Variants in WDR72 observed in about 807,000 individuals in gnomAD.
WDR72 encodes WD repeat domain 72, also known as WD repeat-containing protein 72.
A neutral mutation model predicts 124.2 loss-of-function variants in WDR72; 120 were observed. The observed-to-expected ratio is 0.97, with a 90% confidence interval of 0.83 to 1.12. The LOEUF is 1.12. Ranked by LOEUF, WDR72 falls within the 50% of genes most tolerant of loss-of-function variation. WDR72 has a pLI of 0.00. For missense variants in WDR72, 1,387 were observed against 1,278.8 expected, an observed-to-expected ratio of 1.08 and a Z score of -1.29; for synonymous variants, 452 against 441.7, an observed-to-expected ratio of 1.02 and a Z score of -0.29.
chr15:53,682,028 A>T (rs993340843), intron 13 of WDR72, among the ~76,000 whole-genome samples: 1 of 152,152 alleles, frequency 6.6e-6, no homozygotes, highest in Non-Finnish European at 1.5e-5. Flanking sequence ...ATTGACAAAA[A>T]CTCTAAATTT....
intron 14 of WDR72, among the ~76,000 whole-genome samples, chr15:53,636,921 G>A (rs954927454): frequency 2.0e-5 from 3 of 152,074 alleles, no homozygotes; most frequent in African/African-American, 7.2e-5. Context: ...TTAATTAAAT[G>A]ATTTTTAGTG....
At position 53,702,106 on chromosome 15, in the gene WDR72, A is replaced by G. The variant is rs1172896332; in HGVS notation, c.1569+28T>C. On this transcript the variant is annotated intron_variant, in intron 12 of 19. Transcript: ENST00000360509. Reference sequence around the variant, plus strand: ...TATAATTTATATAATTTTCAAATTTAGATGTTATATTTTACTCTTCGTCTT... The same window carrying G: ...TATAATTTATATAATTTTCAAATTTGGATGTTATATTTTACTCTTCGTCTT... The G allele has an allele frequency of 2.0e-6, 3 of 1,530,424 alleles. No homozygotes were observed. In the Admixed American group the frequency reaches 5.2e-5, roughly 26 times the overall value. 94.8% of individuals were successfully genotyped at this position (1,530,424 alleles called of 1,614,324 possible).
chr15:53,665,672 G>C lies in WDR72; in HGVS notation c.1862C>G (p.Ser621Ter), dbSNP rs748597704. Reference protein sequence around the residue: ...QLVKSVLPIASETLKHKSIEQ... With the variant: ...QLVKSVLPIA ...TATACTTTTGTGCTTAAGTGTCTCT[G>C]AGGCAATGGGAAGTACAGACTTCAC... The change falls in exon 14 of 20, where the codon TCA becomes TGA. Residue 621 changes from serine (S) to a stop codon, truncating the protein, a stop_gained. Coordinates refer to ENST00000360509, the MANE Select transcript of WDR72 (RefSeq NM_182758.4). LOFTEE classifies it high-confidence loss of function. The C allele has an allele frequency of 4.3e-6, 7 of 1,613,912 alleles. No individual in the cohort carries two copies. Among genetic ancestry groups the C allele is most frequent in the Non-Finnish European group, 5.9e-6 (7 of 1,179,888 alleles).
intron 13 of WDR72, among the ~76,000 whole-genome samples, chr15:53,689,960 G>A (rs868328286): frequency 1.4e-4 from 21 of 149,128 alleles, no homozygotes; most frequent in African/African-American, 3.0e-4. Flanking sequence ...GTAAACTATC[G>A]CAAGAACAAA....
At chr15:53,580,027 C>G (rs972660871) in intron 18 of WDR72, among the ~76,000 whole-genome samples, 1 of 151,988 alleles carries the variant, frequency 6.6e-6, no homozygotes, top group Non-Finnish European at 1.5e-5. Context: ...GCTGGTACTA[C>G]GGTAGGCTCT....
At chr15:53,613,566 G>T in intron 16 of WDR72, 100 bp downstream of exon 16, 1 of 796,570 alleles carries the variant, frequency 1.3e-6, no homozygotes, top group Non-Finnish European at 2.2e-6. Context: ...TTTTATATAT[G>T]TTATTTATTT....
intron 14 of WDR72, among the ~76,000 whole-genome samples, chr15:53,622,646 G>A (rs1339734836): frequency 6.6e-6 from 1 of 151,970 alleles, no homozygotes; most frequent in Non-Finnish European, 1.5e-5. Context: ...GGGGGAGGGA[G>A]AGCATCAGGA....
chr15:53,547,433 G>C (rs1595751780), intron 18 of WDR72, among the ~76,000 whole-genome samples: 3 of 152,266 alleles, frequency 2.0e-5, no homozygotes, highest in African/African-American at 7.2e-5. Context: ...TGCCTGGCCT[G>C]TTACTATTAT....
intron 13 of WDR72, among the ~76,000 whole-genome samples, chr15:53,693,509 G>A (rs1259020281): frequency 6.6e-6 from 1 of 152,130 alleles, no homozygotes; most frequent in South Asian, 2.1e-4. Context: ...GCTGTTGGTT[G>A]ACAAAACTCA....
chr15:53,655,043 C>A (rs2015368623), intron 14 of WDR72, among the ~76,000 whole-genome samples: 1 of 151,734 alleles, frequency 6.6e-6, no homozygotes, highest in Admixed American at 6.6e-5. Context: ...CAAGCTTGGC[C>A]AAAATGGTGA....
chr15:53,626,013 C>A (rs1005529121), intron 14 of WDR72, among the ~76,000 whole-genome samples: 2 of 152,134 alleles, frequency 1.3e-5, no homozygotes, highest in African/African-American at 4.8e-5. Flanking sequence ...GTTCTGATAA[C>A]TTCTTTCTCA....
chr15:53,753,762 C>G (rs1454685367), intron 1 of WDR72, among the ~76,000 whole-genome samples: 1 of 152,186 alleles, frequency 6.6e-6, no homozygotes, highest in Non-Finnish European at 1.5e-5. Flanking sequence ...GTTGTATACT[C>G]AATTCAGCAA....
At chr15:53,649,991 G>A (rs1183131338) in intron 14 of WDR72, among the ~76,000 whole-genome samples, 1 of 152,124 alleles carries the variant, frequency 6.6e-6, no homozygotes, top group Non-Finnish European at 1.5e-5. Context: ...GTATTAGCAT[G>A]TCTATGTTTA....
At chr15:53,536,546 G>A (rs1178479344) in intron 18 of WDR72, among the ~76,000 whole-genome samples, 1 of 152,108 alleles carries the variant, frequency 6.6e-6, no homozygotes, top group Admixed American at 6.5e-5. Context: ...CTATAAGAGA[G>A]CTTGGGGAAA....
intron 3 of WDR72, among the ~76,000 whole-genome samples, chr15:53,721,617 C>G (rs2017878581): frequency 6.6e-6 from 1 of 152,132 alleles, no homozygotes; most frequent in African/African-American, 2.4e-5. Context: ...CTCTTTGATA[C>G]CTGTTCAACT....
chr15:53,546,557 T>G (rs1328001752), intron 18 of WDR72, among the ~76,000 whole-genome samples: 2 of 152,000 alleles, frequency 1.3e-5, no homozygotes, highest in African/African-American at 2.4e-5. Context: ...GAGATATACC[T>G]AATGCTAGAT....
At chr15:53,689,037 T>G (rs1044662101) in intron 13 of WDR72, among the ~76,000 whole-genome samples, 12 of 152,322 alleles carry the variant, frequency 7.9e-5, no homozygotes, top group African/African-American at 2.9e-4. Flanking sequence ...ACTGGATCCC[T>G]TCCTTACACC....
intron 18 of WDR72, among the ~76,000 whole-genome samples, chr15:53,564,466 A>G (rs1213455659): frequency 6.6e-6 from 1 of 151,800 alleles, no homozygotes; most frequent in Non-Finnish European, 1.5e-5. Flanking sequence ...TATTATTATT[A>G]TTTTTATTTC....
chr15:53,622,442 A>G (rs1375793311), intron 14 of WDR72, among the ~76,000 whole-genome samples: 3 of 151,654 alleles, frequency 2.0e-5, no homozygotes, highest in Non-Finnish European at 3.0e-5. Context: ...AATACTACAC[A>G]GCCATAAAAA....
Sources: allele counts gnomAD v4.1 joint callset (sites outside exome capture counted in the v4.1 genomes callset), GRCh38; gene constraint gnomAD v4.1.1; transcripts MANE v1.5; gene names NCBI Gene and HGNC (gene_info 2026-07-23, HGNC 2026-07-21).